LRRK1: variants seen among roughly 807,000 people sequenced by gnomAD.
The protein encoded by LRRK1 is leucine rich repeat kinase 1.
A neutral mutation model predicts 209.1 loss-of-function variants in LRRK1; 113 were observed. The observed-to-expected ratio is 0.54, with a 90% CI of 0.46 to 0.63. LRRK1 has a LOEUF of 0.63. Ranked by LOEUF, LRRK1 falls within the 30% of genes least tolerant of loss-of-function variation. The pLI, the probability that LRRK1 is intolerant of heterozygous loss-of-function variation, is 0.00. For missense variants in LRRK1, 2,284 were observed against 2,632.2 expected, an observed-to-expected ratio of 0.87 and a Z score of 2.89; for synonymous variants, 1,144 against 1,099.7, an observed-to-expected ratio of 1.04 and a Z score of -0.80.
chr15:100,941,438 G>GTGTCTGTGTCTCTGTGTGTGTC lies in LRRK1; in HGVS notation c.97+16712_97+16713insCTGTGTCTCTGTGTGTGTCTGT, dbSNP rs2042426536. ...TGTGTGTGTGTGTGTCTGTGTGTGT[G>GTGTCTGTGTCTCTGTGTGTGTC]TGTGTGTCTGTGTGTGTCTATGTCT... On this transcript the variant is annotated intron_variant, in intron 2 of 33. Coordinates refer to ENST00000388948, the MANE Select transcript of LRRK1 (RefSeq NM_024652.6). Among the ~76,000 whole-genome samples, 610 of 86,602 alleles carry GTGTCTGTGTCTCTGTGTGTGTC rather than the reference G, an allele frequency of 7.0e-3. 94 individuals are homozygous for GTGTCTGTGTCTCTGTGTGTGTC. Among genetic ancestry groups the GTGTCTGTGTCTCTGTGTGTGTC allele is most frequent in the African/African-American group, 0.022 (451 of 20,078 alleles). 56.8% of individuals were successfully genotyped at this position (86,602 alleles called of 152,430 possible). A position where few individuals can be genotyped will look rare whatever the true frequency, so the allele number is the denominator to read the frequency against.
At chr15:100,982,549 T>A (rs964347992) in intron 3 of LRRK1, among the ~76,000 whole-genome samples, 1 of 152,214 alleles carries the variant, frequency 6.6e-6, no homozygotes. Flanking sequence ...AGGACTGGAA[T>A]GAGCAGGAAC....
At chr15:101,011,056 C>T (rs762427601) in intron 9 of LRRK1, among the ~76,000 whole-genome samples, 14 of 152,146 alleles carry the variant, frequency 9.2e-5, no homozygotes, top group Non-Finnish European at 1.9e-4. Flanking sequence ...GCTCTGGGTT[C>T]AAGAGCCACC....
intron 3 of LRRK1, among the ~76,000 whole-genome samples, chr15:100,976,406 T>C (rs2031294850): frequency 6.6e-6 from 1 of 152,214 alleles, no homozygotes; most frequent in Admixed American, 6.5e-5. Flanking sequence ...GATATTCAGA[T>C]AGATGGTACA....
At chr15:101,068,483 C>G (rs1025426404) in intron 33 of LRRK1, among the ~76,000 whole-genome samples, 188 bp from the exon 34 acceptor site, 2 of 152,178 alleles carry the variant, frequency 1.3e-5, no homozygotes, top group African/African-American at 4.8e-5. Context: ...CTTTATAAAG[C>G]CTAAGCCCAC....
rs2036131690 is a variant in LRRK1, at chr15:101,060,870, CAG to C, written c.4680-300_4680-299del. ...CTACAGTGAGGAGCTCCCCGCATAA[CAG>C]GGGCGGGCAGGATATGGCCGGCGGG... On this transcript the variant is annotated intron_variant, in intron 29 of 33. Coordinates refer to ENST00000388948, the MANE Select transcript of LRRK1 (RefSeq NM_024652.6). Among the ~76,000 whole-genome samples, 8 of 152,386 alleles carry C rather than the reference CAG, an allele frequency of 5.2e-5. No individual in the cohort carries two copies. In the South Asian group the frequency reaches 1.7e-3, roughly 32 times the overall value.
At chr15:101,034,528 G>T (rs7183599) in intron 20 of LRRK1, among the ~76,000 whole-genome samples, 147,473 of 152,298 alleles carry the variant, frequency 0.97, 71,572 homozygotes, top group East Asian at 1. Flanking sequence ...CTCCACTGTA[G>T]GTTCTTAGCA....
At chr15:101,049,501 G>T (rs79443212) in intron 22 of LRRK1, 143 bp from the exon 23 acceptor site, 2 of 885,986 alleles carry the variant, frequency 2.3e-6, no homozygotes, top group Non-Finnish European at 3.4e-6. Flanking sequence ...GTACATACAG[G>T]GAGGAGTCCC....
intron 10 of LRRK1, 103 bp downstream of exon 10, chr15:101,012,248 A>G (rs1049397800): frequency 2.9e-5 from 31 of 1,065,678 alleles, no homozygotes; most frequent in Non-Finnish European, 4.0e-5. Flanking sequence ...TGAGATAAAT[A>G]TAAGGGGAAA....
In LRRK1 at chr15:100,988,692, G is replaced by A. The variant is rs183858799; in HGVS notation, c.492G>A (p.Gly164=). ...NWMLALACQR[G]HLGVVKLLVL... ...TGCTGGCCTTGGCTTGCCAGCGAGG[G>A]CACCTGGGGGTTGTGAAGCTCCTGG... is the stretch of plus-strand genomic sequence containing the variant. Residue 164 remains glycine (G), a synonymous_variant, in exon 5 of 34, where the codon GGG becomes GGA. Coordinates refer to ENST00000388948, the MANE Select transcript of LRRK1 (RefSeq NM_024652.6). The A allele has an allele frequency of 1.1e-4, 182 of 1,614,204 alleles. No individual in the cohort carries two copies. The highest frequency in any genetic ancestry group is 1.4e-4 in the Non-Finnish European group (165 of 1,180,048).
chr15:101,053,733 C>T (rs889887209), intron 26 of LRRK1, among the ~76,000 whole-genome samples: 4 of 152,224 alleles, frequency 2.6e-5, no homozygotes, highest in Non-Finnish European at 5.9e-5. Flanking sequence ...GGGAGGGCAC[C>T]GAGCACGGGA....
chr15:100,931,982 T>TTTTG (rs113730693), intron 2 of LRRK1, among the ~76,000 whole-genome samples: 23,766 of 151,574 alleles, frequency 0.16, 3,039 homozygotes, highest in African/African-American at 0.35. Context: ...TGTGTTTTCT[T>TTTTG]TTTGTTTGTT....
At chr15:101,005,762 G>A (rs952661035) in intron 6 of LRRK1, among the ~76,000 whole-genome samples, 3 of 151,822 alleles carry the variant, frequency 2.0e-5, no homozygotes, top group African/African-American at 7.3e-5. Context: ...GCTCCCCCTG[G>A]ACAAATTGGG....
At chr15:100,963,375 G>A (rs986753174) in intron 2 of LRRK1, among the ~76,000 whole-genome samples, 5 of 152,188 alleles carry the variant, frequency 3.3e-5, no homozygotes, top group East Asian at 1.9e-4. Context: ...CTTCCCCTCC[G>A]GCTGCTCGTT....
intron 16 of LRRK1, 40 bp downstream of exon 16, chr15:101,025,007 A>G (rs368577213): frequency 1.4e-4 from 229 of 1,590,766 alleles, no homozygotes; most frequent in Non-Finnish European, 1.9e-4. Context: ...TTCAGTGCCC[A>G]GAGCTTTGCA....
intron 29 of LRRK1, 76 bp from the exon 30 acceptor site, chr15:101,061,095 C>T: frequency 9.0e-7 from 1 of 1,113,626 alleles, no homozygotes; most frequent in Non-Finnish European, 1.4e-6. Flanking sequence ...AGGCTCGCAG[C>T]TGGCAGGCCA....
intron 6 of LRRK1, among the ~76,000 whole-genome samples, chr15:101,006,379 A>T (rs1179733728): frequency 2.0e-5 from 1 of 49,522 alleles, no homozygotes; most frequent in African/African-American, 9.0e-5. Context: ...TGATAAAAAA[A>T]AAAAAAAAAA....
At chr15:100,978,315 A>G (rs2031410889) in intron 3 of LRRK1, among the ~76,000 whole-genome samples, 1 of 152,226 alleles carries the variant, frequency 6.6e-6, no homozygotes, top group Non-Finnish European at 1.5e-5. Context: ...ACAGAAGGCA[A>G]GACTGAAGGA....
intron 20 of LRRK1, among the ~76,000 whole-genome samples, chr15:101,040,539 T>C (rs2034701491): frequency 1.3e-5 from 2 of 152,206 alleles, no homozygotes; most frequent in South Asian, 4.1e-4. Context: ...TCTTTATTAT[T>C]GTCTTCCTTC....
At chr15:100,974,053 A>G (rs2031144142) in intron 3 of LRRK1, 86 bp downstream of exon 3, 2 of 1,114,074 alleles carry the variant, frequency 1.8e-6, no homozygotes, top group Admixed American at 4.2e-5. Context: ...CGTTATTGTC[A>G]TAACGGTAAT....
Sources: gnomAD v4.1 joint callset for allele counts (sites outside exome capture counted in the v4.1 genomes callset) on GRCh38, gnomAD v4.1.1 for gene constraint, MANE v1.5 for transcripts, NCBI Gene and HGNC (gene_info 2026-07-23, HGNC 2026-07-21) for gene names.